SDC3: variants seen among roughly 807,000 people sequenced by gnomAD.
The protein encoded by SDC3 is syndecan-3.
A neutral mutation model predicts 24.4 loss-of-function variants in SDC3; 13 were observed. That is an observed-to-expected ratio of 0.53 (90% CI 0.35 to 0.85). SDC3 has a LOEUF of 0.85. SDC3 is among the 40% of genes least tolerant of loss of function. The probability of loss-of-function intolerance (pLI) is 0.01; values close to 1 mark genes in which losing one functional copy is unlikely to be tolerated. For synonymous variants in SDC3, 295 were observed against 260.9 expected (o/e 1.13, Z -1.26); for missense variants, 571 against 584.5 (o/e 0.98, Z 0.24).
At chr1:30,895,143 C>G (rs983032045) in intron 1 of SDC3, among the ~76,000 whole-genome samples, 3 of 152,064 alleles carry the variant, frequency 2.0e-5, no homozygotes, top group African/African-American at 7.3e-5. Context: ...CCTGATCCCC[C>G]TGGCATAGGC....
At chr1:30,879,542 A>G (rs1456435672) in intron 1 of SDC3, among the ~76,000 whole-genome samples, 1 of 151,732 alleles carries the variant, frequency 6.6e-6, no homozygotes, top group African/African-American at 2.4e-5. Flanking sequence ...TCCCCATGGC[A>G]CTCCCCTCCA....
intron 1 of SDC3, among the ~76,000 whole-genome samples, chr1:30,891,401 A>G (rs1317787792): frequency 6.6e-6 from 1 of 152,196 alleles, no homozygotes; most frequent in Non-Finnish European, 1.5e-5. Flanking sequence ...TCTCTGGCAG[A>G]GGCCTGTCTG....
chr1:30,894,204 TGA>T (rs569191155), intron 1 of SDC3, among the ~76,000 whole-genome samples: 37 of 147,718 alleles, frequency 2.5e-4, no homozygotes, highest in Admixed American at 1.9e-3. Context: ...TGTGTGTGCA[TGA>T]GAGTGTGTGT....
At chr1:30,877,594 A>C in intron 2 of SDC3, 1 of 298,876 alleles carries the variant, frequency 3.3e-6, no homozygotes, top group Non-Finnish European at 6.3e-6. Context: ...TGGTACACTA[A>C]GGGCTTCCCC....
At chr1:30,882,799 A>T (rs1639765721) in intron 1 of SDC3, among the ~76,000 whole-genome samples, 1 of 152,184 alleles carries the variant, frequency 6.6e-6, no homozygotes, top group African/African-American at 2.4e-5. Flanking sequence ...GAAACCGGTC[A>T]GCACAGAGGC....
intron 1 of SDC3, 122 bp from the exon 2 acceptor site, chr1:30,878,862 T>A (rs1405676420): frequency 2.6e-6 from 2 of 755,436 alleles, no homozygotes; most frequent in Non-Finnish European, 4.6e-6. Context: ...AGAGATCTTG[T>A]GTGTACCCTG....
chr1:30,880,271 A>G (rs142593904), intron 1 of SDC3, among the ~76,000 whole-genome samples: 5 of 150,316 alleles, frequency 3.3e-5, no homozygotes, highest in Non-Finnish European at 7.4e-5. Flanking sequence ...GGGAGAGATC[A>G]CGGGGGAACT....
intron 1 of SDC3, among the ~76,000 whole-genome samples, chr1:30,903,335 C>A (rs1453138518): frequency 6.6e-6 from 1 of 152,194 alleles, no homozygotes; most frequent in Admixed American, 6.5e-5. Flanking sequence ...TTAGACCCCT[C>A]TCATCCTGAG....
intron 1 of SDC3, among the ~76,000 whole-genome samples, chr1:30,888,631 G>A (rs946727596): frequency 6.6e-6 from 1 of 152,140 alleles, no homozygotes; most frequent in African/African-American, 2.4e-5. Context: ...GTGTGTCCAG[G>A]CCTCTCCTCC....
chr1:30,888,602 T>C (rs1280056931), intron 1 of SDC3, among the ~76,000 whole-genome samples: 1 of 152,132 alleles, frequency 6.6e-6, no homozygotes, highest in Non-Finnish European at 1.5e-5. Flanking sequence ...GAAACGGCCC[T>C]GTCTGTAAGA....
At chr1:30,874,192 C>T (rs758107241) in intron 4 of SDC3, 105 bp downstream of exon 4, 136 of 927,688 alleles carry the variant, frequency 1.5e-4, no homozygotes, top group Middle Eastern at 3.5e-4. Flanking sequence ...TAGGAAACCA[C>T]GCCCTGATCT....
chr1:30,879,407 C>T (rs1318459391), intron 1 of SDC3, among the ~76,000 whole-genome samples: 1 of 152,194 alleles, frequency 6.6e-6, no homozygotes, highest in Non-Finnish European at 1.5e-5. Flanking sequence ...TAATTTCTCC[C>T]GTGACGAATT....
At chr1:30,893,404 C>T (rs2124333401) in intron 1 of SDC3, among the ~76,000 whole-genome samples, 1 of 150,926 alleles carries the variant, frequency 6.6e-6, no homozygotes, top group East Asian at 2.0e-4. Context: ...CTGTTCTGGA[C>T]ACTGTAGCCA....
chr1:30,873,269 G>T lies in SDC3; in HGVS notation c.1271C>A (p.Pro424His), dbSNP rs374279282. Residue 424 changes from proline (P) to histidine (H), a missense_variant, in exon 5 of 5, where the codon CCC (proline) becomes CAC (histidine). Pro to His is a moderately conservative substitution (Grantham distance 77, BLOSUM62 -2). Around this residue, in one of 2 missense-constraint regions of SDC3, gnomAD observed 74 missense variants for 112.9 expected, o/e 0.66. Transcript: ENST00000339394. ...KDEGSYTLEE[P>H]KQASVTYQKP... ...CTGGTATGTGACGCTCGCCTGCTTGGGTTCCTCCAGCGTGTAGCTGCCCTC... is the reference window on the plus strand; with the variant it reads ...CTGGTATGTGACGCTCGCCTGCTTGTGTTCCTCCAGCGTGTAGCTGCCCTC... The T allele has an allele frequency of 2.7e-5, 43 of 1,612,944 alleles. No individual in the cohort carries two copies. Among genetic ancestry groups the T allele is most frequent in the Non-Finnish European group, 3.5e-5 (41 of 1,179,054 alleles).
At chr1:30,873,680 A>G (rs1639581917) in intron 4 of SDC3, among the ~76,000 whole-genome samples, 1 of 152,158 alleles carries the variant, frequency 6.6e-6, no homozygotes, top group Non-Finnish European at 1.5e-5. Flanking sequence ...AGTATTTTAT[A>G]ACTGCTAGGA....
intron 4 of SDC3, among the ~76,000 whole-genome samples, chr1:30,873,872 G>A (rs942434749): frequency 4.6e-5 from 7 of 152,106 alleles, no homozygotes; most frequent in Non-Finnish European, 7.4e-5. Context: ...ATTTGAACCA[G>A]GAGTCCACAG....
At chr1:30,899,118 G>A (rs1235192516) in intron 1 of SDC3, among the ~76,000 whole-genome samples, 15 of 152,134 alleles carry the variant, frequency 9.9e-5, no homozygotes, top group African/African-American at 3.6e-4. Flanking sequence ...ATGGAGTCTC[G>A]CTCTGTTGCC....
chr1:30,880,300 G>C (rs1362691392), intron 1 of SDC3, among the ~76,000 whole-genome samples: 4 of 151,050 alleles, frequency 2.6e-5, no homozygotes, highest in Admixed American at 6.6e-5. Context: ...GACAGGGAAG[G>C]GGGAGGCAGA....
In SDC3 at chr1:30,908,647, C is replaced by A; in HGVS notation, c.-61G>T. ...GGGCGCCTTTGTTCCCGAGGCGCGGCGCGCGGGGCGGCTGCTTGGCGGCGG... is the reference window on the plus strand; with the variant it reads ...GGGCGCCTTTGTTCCCGAGGCGCGGAGCGCGGGGCGGCTGCTTGGCGGCGG... On this transcript the variant is annotated 5_prime_UTR_variant, in exon 1 of 5. Coordinates refer to ENST00000339394, the MANE Select transcript of SDC3 (RefSeq NM_014654.4). The A allele has an allele frequency of 1.6e-6, 1 of 633,328 alleles. No homozygotes were observed. Among genetic ancestry groups the A allele is most frequent in the Non-Finnish European group, 2.0e-6 (1 of 511,516 alleles). 39.2% of individuals were successfully genotyped at this position (633,328 alleles called of 1,614,324 possible).
Sources: gnomAD v4.1 joint callset for allele counts (sites outside exome capture counted in the v4.1 genomes callset) on GRCh38, gnomAD v4.1.1 for gene constraint, gnomAD v4.1.1 regional missense constraint, MANE v1.5 for transcripts, NCBI Gene and HGNC (gene_info 2026-07-23, HGNC 2026-07-21) for gene names.